The following LRRFIP1 variants were observed in gnomAD, a reference collection of about 807,000 sequenced individuals.
LRRFIP1 encodes the protein leucine-rich repeat flightless-interacting protein 1.
In LRRFIP1, 62 loss-of-function variants were observed where a neutral mutation model predicts 104.4. The ratio of observed to expected loss-of-function variants is 0.59; its 90% CI spans 0.48 to 0.73. LRRFIP1 has a LOEUF of 0.73. Ranked by LOEUF, LRRFIP1 falls within the 30% of genes least tolerant of loss-of-function variation. The pLI is 0.00. For missense variants in LRRFIP1, 796 were observed against 824.5 expected (o/e 0.97, Z 0.42); for synonymous variants, 300 against 299.0 (o/e 1.00, Z -0.03).
At chr2:237,726,434 C>G (rs2094753449) in intron 7 of LRRFIP1, among the ~76,000 whole-genome samples, 1 of 152,164 alleles carries the variant, frequency 6.6e-6, no homozygotes, top group Non-Finnish European at 1.5e-5. Flanking sequence ...CCATGTTTAG[C>G]ACCTCCCATA....
chr2:237,678,563 T>A (rs2091436500), intron 1 of LRRFIP1, among the ~76,000 whole-genome samples: 2 of 152,162 alleles, frequency 1.3e-5, no homozygotes, highest in South Asian at 4.1e-4. Context: ...TGGAATGCAG[T>A]GGAGTGAGGT....
At position 237,714,316 on chromosome 2, in the gene LRRFIP1, GTT is replaced by G; in HGVS notation, c.201+45_201+46del. On this transcript the variant is annotated intron_variant, in intron 3 of 23. Transcript: ENST00000308482. ...CTTTATTTTCTAACTTGCATGTACTGTTTTTTCCTTGCCAAGGGCCTGGTCAC... is the reference window on the plus strand; with the variant it reads ...CTTTATTTTCTAACTTGCATGTACTGTTTTCCTTGCCAAGGGCCTGGTCAC... 4 of 1,556,916 alleles carry G rather than the reference GTT, an allele frequency of 2.6e-6. 1 individual carries two copies. In the South Asian group the frequency reaches 4.6e-5, roughly 18 times the overall value.
At chr2:237,692,402 C>G (rs1047437249) in intron 1 of LRRFIP1, 34 of 1,432,492 alleles carry the variant, frequency 2.4e-5, no homozygotes, top group Non-Finnish European at 2.1e-5. Flanking sequence ...CGAGGGGCTC[C>G]CGGCGCGGTC....
rs114963972 is a variant in LRRFIP1, at chr2:237,650,030, G to A, written c.96+22290G>A. ...CTGGGGACACTGTAGTGCACAAACC[G>A]AAGTCCCCACGCTCTGTGACCCTGA... On this transcript the variant is annotated intron_variant, in intron 1 of 23. Coordinates refer to ENST00000308482, the MANE Select transcript of LRRFIP1 (RefSeq NM_001137550.2). Among the ~76,000 whole-genome samples, 254 of 152,098 alleles carry A rather than the reference G, an allele frequency of 1.7e-3. 2 individuals carry two copies. Among genetic ancestry groups the A allele is most frequent in the African/African-American group, 5.7e-3 (235 of 41,548 alleles).
intron 19 of LRRFIP1, chr2:237,763,329 A>T: frequency 6.2e-7 from 1 of 1,614,168 alleles, no homozygotes; most frequent in Non-Finnish European, 8.5e-7. Context: ...AGTACAGTAG[A>T]CACTCAAAAT....
chr2:237,776,745 G>A (rs77719131), intron 23 of LRRFIP1, among the ~76,000 whole-genome samples: 2,081 of 152,234 alleles, frequency 0.014, 53 homozygotes, highest in East Asian at 0.083. Flanking sequence ...GTCCACTTCT[G>A]ATTTTTGCAT....
intron 11 of LRRFIP1, among the ~76,000 whole-genome samples, chr2:237,746,380 T>C (rs11695998): frequency 0.032 from 4,821 of 152,156 alleles, 90 homozygotes; most frequent in Middle Eastern, 0.12. Context: ...ATTTGAAAAA[T>C]ATTTCAGGAA....
chr2:237,644,893 G>T (rs1333415710), intron 1 of LRRFIP1, among the ~76,000 whole-genome samples: 1 of 152,208 alleles, frequency 6.6e-6, no homozygotes, highest in East Asian at 1.9e-4. Context: ...GGGAAGAATC[G>T]CACAAAGGTG....
intron 11 of LRRFIP1, among the ~76,000 whole-genome samples, 164 bp from the exon 12 acceptor site, chr2:237,748,200 G>A (rs1393963293): frequency 6.6e-6 from 1 of 152,228 alleles, no homozygotes; most frequent in Non-Finnish European, 1.5e-5. Context: ...ATCCAAATAG[G>A]AGAAGTGTGA....
chr2:237,769,655 TGGCCCTAGC>T (rs2060456700), intron 19 of LRRFIP1: 1 of 372,218 alleles, frequency 2.7e-6, no homozygotes, highest in Non-Finnish European at 5.0e-6. Context: ...CAGCGTGGTT[TGGCCCTAGC>T]GTTCTTGCAT....
In LRRFIP1 at chr2:237,692,142, A is replaced by G. The variant is rs183352156; in HGVS notation, c.97-16402A>G. ...GCCGGGAGGGCCCCTCCGAGGCGGA[A>G]CTGCGTGGGGGGCGGGGCGGGCCGT... On this transcript the variant is annotated intron_variant, in intron 1 of 23. Coordinates refer to ENST00000308482, the MANE Select transcript of LRRFIP1 (RefSeq NM_001137550.2). The G allele has an allele frequency of 0.022, 18,417 of 848,158 alleles. 2,371 individuals carry two copies. The African/African-American group carries it at 0.35, about 16-fold the overall frequency. 52.5% of individuals were successfully genotyped at this position (848,158 alleles called of 1,614,324 possible).
intron 1 of LRRFIP1, among the ~76,000 whole-genome samples, chr2:237,667,550 A>C (rs1218502163): frequency 6.6e-6 from 1 of 152,244 alleles, no homozygotes; most frequent in African/African-American, 2.4e-5. Context: ...AGAATGATTT[A>C]TAATCCTTTG....
At chr2:237,736,150 A>G (rs560379790) in intron 10 of LRRFIP1, among the ~76,000 whole-genome samples, 1 of 152,384 alleles carries the variant, frequency 6.6e-6, no homozygotes, top group East Asian at 1.9e-4. Flanking sequence ...TTGTCCAGCC[A>G]TCATGGATAT....
At chr2:237,701,929 A>G (rs909045807) in intron 1 of LRRFIP1, among the ~76,000 whole-genome samples, 1 of 152,172 alleles carries the variant, frequency 6.6e-6, no homozygotes, top group African/African-American at 2.4e-5. Flanking sequence ...CATGCAGCCC[A>G]GAAAAGACCC....
intron 18 of LRRFIP1, 114 bp from the exon 19 acceptor site, chr2:237,759,949 TG>T: frequency 1.1e-6 from 1 of 870,274 alleles, no homozygotes; most frequent in Non-Finnish European, 1.8e-6. Flanking sequence ...CTTGTCTCTG[TG>T]GAGTTACCCT....
At chr2:237,684,002 A>C (rs955824484) in intron 1 of LRRFIP1, among the ~76,000 whole-genome samples, 2 of 152,134 alleles carry the variant, frequency 1.3e-5, no homozygotes, top group African/African-American at 4.8e-5. Context: ...AGCGTGGTGG[A>C]TTCTGAAGTT....
chr2:237,697,027 T>C (rs1465875166), intron 1 of LRRFIP1, among the ~76,000 whole-genome samples: 4 of 152,182 alleles, frequency 2.6e-5, no homozygotes, highest in African/African-American at 9.7e-5. Flanking sequence ...CTTACTTTCC[T>C]TCTTTTTTTT....
At chr2:237,728,254 ATGTG>A (rs2150288099) in intron 8 of LRRFIP1, among the ~76,000 whole-genome samples, 1 of 152,232 alleles carries the variant, frequency 6.6e-6, no homozygotes, top group East Asian at 1.9e-4. Context: ...TATGTATATA[ATGTG>A]TGTATTAAGT....
At position 237,762,680 on chromosome 2, in the gene LRRFIP1, A is replaced by G. The variant is rs766805049; in HGVS notation, c.1459+2475A>G. On this transcript the variant is annotated intron_variant, in intron 19 of 23. Coordinates refer to ENST00000308482, the MANE Select transcript of LRRFIP1 (RefSeq NM_001137550.2). Reference sequence around the variant, plus strand: ...AAGAGAAATCTTGCACAATACTGAGAAAGAACAACACACAGAGGACACAGT... The same window carrying G: ...AAGAGAAATCTTGCACAATACTGAGGAAGAACAACACACAGAGGACACAGT... 6 of 1,614,054 alleles carry G rather than the reference A, an allele frequency of 3.7e-6. No homozygotes were observed. In the South Asian group the frequency reaches 6.6e-5, roughly 18 times the overall value.
Sources: gnomAD v4.1 joint callset for allele counts (sites outside exome capture counted in the v4.1 genomes callset) on GRCh38, gnomAD v4.1.1 for gene constraint, MANE v1.5 for transcripts, NCBI Gene and HGNC (gene_info 2026-07-23, HGNC 2026-07-21) for gene names.